Variants in SSH1 observed in about 807,000 individuals in gnomAD.
The protein encoded by SSH1 is protein phosphatase Slingshot homolog 1.
SSH1 carries 43 observed loss-of-function variants against 79.7 expected under a neutral mutation model. The ratio of observed to expected loss-of-function variants is 0.54; its 90% CI spans 0.42 to 0.70. The LOEUF is 0.70. SSH1 is among the 30% of genes least tolerant of loss of function. The pLI is 0.00. For missense variants in SSH1, 1,206 were observed against 1,358.8 expected (o/e 0.89, Z 1.77); for synonymous variants, 599 against 538.3 (o/e 1.11, Z -1.56).
chr12:108,829,493 G>A (rs184996855), intron 2 of SSH1, among the ~76,000 whole-genome samples: 454 of 152,288 alleles, frequency 3.0e-3, no homozygotes, highest in African/African-American at 0.011. Flanking sequence ...CATTTGCAGA[G>A]CATGGAGCAC....
At chr12:108,821,757 TCA>T (rs2038129967) in intron 3 of SSH1, among the ~76,000 whole-genome samples, 3 of 152,324 alleles carry the variant, frequency 2.0e-5, no homozygotes, top group Middle Eastern at 3.4e-3. Flanking sequence ...GACCTAAATA[TCA>T]TCAACATCAG....
intron 13 of SSH1, among the ~76,000 whole-genome samples, chr12:108,795,436 GAA>G: frequency 6.6e-6 from 1 of 152,034 alleles, no homozygotes. Context: ...TATATTTTTA[GAA>G]GAGATGGGGT....
intron 13 of SSH1, among the ~76,000 whole-genome samples, chr12:108,794,126 C>T (rs1157882571): frequency 6.6e-6 from 1 of 152,256 alleles, no homozygotes; most frequent in African/African-American, 2.4e-5. Flanking sequence ...GGCACTCCTG[C>T]ATTCCCAAAC....
intron 13 of SSH1, among the ~76,000 whole-genome samples, chr12:108,795,854 A>G (rs1367114564): frequency 1.3e-5 from 2 of 152,238 alleles, no homozygotes; most frequent in South Asian, 4.2e-4. Context: ...CTGTCTCAAA[A>G]AAATAAAATT....
intron 4 of SSH1, 73 bp downstream of exon 4, chr12:108,818,176 C>A: frequency 7.9e-7 from 1 of 1,264,350 alleles, no homozygotes; most frequent in Non-Finnish European, 1.2e-6. Flanking sequence ...CCAGCCTGGG[C>A]AACAGAGCAA....
intron 2 of SSH1, among the ~76,000 whole-genome samples, chr12:108,836,079 TATAA>T (rs1053340839): frequency 1.4e-4 from 20 of 147,530 alleles, no homozygotes; most frequent in African/African-American, 4.9e-4. Flanking sequence ...TACTATATAA[TATAA>T]ATAATACCTA....
At chr12:108,822,370 G>A (rs919212166) in intron 3 of SSH1, among the ~76,000 whole-genome samples, 1 of 152,116 alleles carries the variant, frequency 6.6e-6, no homozygotes, top group Non-Finnish European at 1.5e-5. Flanking sequence ...CTGGGTTCAA[G>A]CGAGATCTGC....
chr12:108,814,488 C>A, intron 5 of SSH1, among the ~76,000 whole-genome samples: 1 of 151,964 alleles, frequency 6.6e-6, no homozygotes, highest in African/African-American at 2.4e-5. Context: ...AGGAAGACAA[C>A]AGCCTGGTGC....
intron 2 of SSH1, among the ~76,000 whole-genome samples, chr12:108,824,609 ATT>A (rs917873955): frequency 1.3e-5 from 2 of 152,154 alleles, no homozygotes; most frequent in African/African-American, 4.8e-5. Context: ...GGCCTTTGTT[ATT>A]TTAGCTAGCA....
Position 108,780,008 on chromosome 12 carries a change from A to G in SSH1, c.*7980T>C, listed in dbSNP as rs1370306269. The G allele has an allele frequency of 1.3e-5, 2 of 152,246 alleles. No individual in the cohort carries two copies. 9.4% of individuals were successfully genotyped at this position (152,246 alleles called of 1,614,324 possible). A position where few individuals can be genotyped will look rare whatever the true frequency, so the allele number is the denominator to read the frequency against. On this transcript the variant is annotated 3_prime_UTR_variant, in exon 15 of 15. Coordinates refer to ENST00000326495, the MANE Select transcript of SSH1 (RefSeq NM_018984.4). ...TCTTTTGAGATATGCATCACAGACC[A>G]CAATGCCCAGTTTGGAGAATTCCAG...
intron 14 of SSH1, among the ~76,000 whole-genome samples, chr12:108,789,839 G>A (rs1270695816): frequency 1.3e-5 from 2 of 152,112 alleles, no homozygotes; most frequent in African/African-American, 4.8e-5. Flanking sequence ...AAGGCAGGAG[G>A]GCAACAGGGC....
chr12:108,815,209 C>T (rs538400476), intron 5 of SSH1, among the ~76,000 whole-genome samples: 121 of 152,308 alleles, frequency 7.9e-4, no homozygotes, highest in Middle Eastern at 6.8e-3. Flanking sequence ...GGCCACTAAC[C>T]GGGATGACCC....
At chr12:108,791,882 G>C (rs2036516552) in intron 14 of SSH1, 1 of 1,218,764 alleles carries the variant, frequency 8.2e-7, no homozygotes, top group Admixed American at 3.8e-5. Context: ...GGTGGTAGGG[G>C]TGAGATGAAA....
chr12:108,840,349 T>C (rs1266726624), intron 2 of SSH1, among the ~76,000 whole-genome samples: 5 of 152,042 alleles, frequency 3.3e-5, no homozygotes, highest in African/African-American at 1.2e-4. Flanking sequence ...CTGGCCAACA[T>C]GGTGAAACCC....
chr12:108,845,297 C>A (rs979815400), intron 2 of SSH1, among the ~76,000 whole-genome samples: 1 of 152,140 alleles, frequency 6.6e-6, no homozygotes, highest in Admixed American at 6.6e-5. Context: ...ACCTCAGCCC[C>A]GGCCAGCAAG....
chr12:108,795,327 G>A (rs1055519193), intron 13 of SSH1, among the ~76,000 whole-genome samples: 16 of 151,912 alleles, frequency 1.1e-4, no homozygotes, highest in African/African-American at 2.9e-4. Flanking sequence ...GTATGATCTC[G>A]GAACCTCTGC....
At chr12:108,825,131 T>C (rs1264891897) in intron 2 of SSH1, among the ~76,000 whole-genome samples, 3 of 152,204 alleles carry the variant, frequency 2.0e-5, no homozygotes, top group Non-Finnish European at 4.4e-5. Context: ...TGTAGGCAAC[T>C]ATAAAAATTT....
At chr12:108,810,078 C>G (rs2137098840) in intron 6 of SSH1, among the ~76,000 whole-genome samples, 1 of 152,220 alleles carries the variant, frequency 6.6e-6, no homozygotes, top group Non-Finnish European at 1.5e-5. Context: ...GCCTCCCTGC[C>G]ACCTCCTGTC....
chr12:108,790,611 G>A (rs1490894800), intron 14 of SSH1, among the ~76,000 whole-genome samples: 1 of 152,160 alleles, frequency 6.6e-6, no homozygotes, highest in Non-Finnish European at 1.5e-5. Context: ...TGTCTTTATG[G>A]GTATTTGCTT....
Sources: allele counts gnomAD v4.1 joint callset (sites outside exome capture counted in the v4.1 genomes callset), GRCh38; gene constraint gnomAD v4.1.1; transcripts MANE v1.5; gene names NCBI Gene and HGNC (gene_info 2026-07-23, HGNC 2026-07-21).